AKAP12: variants seen among roughly 807,000 people sequenced by gnomAD.
The protein encoded by AKAP12 is A-kinase anchor protein 12.
In AKAP12, 32 loss-of-function variants were observed where a neutral mutation model predicts 79.9. That is an observed-to-expected ratio of 0.40 (90% CI 0.30 to 0.54). The LOEUF is 0.54. AKAP12 is among the 20% of genes least tolerant of loss of function. The pLI, the probability that AKAP12 is intolerant of heterozygous loss-of-function variation, is 0.48. For missense variants in AKAP12, 2,074 were observed against 2,177.0 expected (o/e 0.95, Z 0.94); for synonymous variants, 808 against 857.0 (o/e 0.94, Z 1.00).
intron 2 of AKAP12, among the ~76,000 whole-genome samples, chr6:151,286,848 G>A (rs1386712115): frequency 2.0e-5 from 3 of 152,212 alleles, no homozygotes; most frequent in Admixed American, 2.0e-4. Context: ...AACAAAACAA[G>A]TCAGGTGAGA....
At chr6:151,250,699 G>A (rs868432076) in intron 2 of AKAP12, among the ~76,000 whole-genome samples, 3,068 of 150,226 alleles carry the variant, frequency 0.02, 115 homozygotes, top group African/African-American at 0.07. Flanking sequence ...TCCGCCTCCC[G>A]GGTTCACGCC....
At chr6:151,305,174 T>G (rs372675034) in intron 2 of AKAP12, among the ~76,000 whole-genome samples, 1 of 151,724 alleles carries the variant, frequency 6.6e-6, no homozygotes, top group Admixed American at 6.6e-5. Context: ...GGGCTGTTTT[T>G]TTTTTTTTTT....
At chr6:151,296,269 A>G (rs2114742812) in intron 2 of AKAP12, among the ~76,000 whole-genome samples, 1 of 152,262 alleles carries the variant, frequency 6.6e-6, no homozygotes, top group South Asian at 2.1e-4. Flanking sequence ...TCTCAATTTC[A>G]TGTGGTTGGA....
rs557710082 is a variant in AKAP12 at position 151,313,715 on chromosome 6, C to G, written c.319+7812C>G. On this transcript the variant is annotated intron_variant, in intron 3 of 4. Coordinates refer to ENST00000402676, the MANE Select transcript of AKAP12 (RefSeq NM_005100.4). ...GAAGGACAGCAAGACTTCTGTTCAC[C>G]CTTTCTCCCCTTCGTAAATCAACTA... Among the ~76,000 whole-genome samples, 194 of 152,282 alleles carry G rather than the reference C, an allele frequency of 1.3e-3. 1 individual carries two copies. The highest frequency in any genetic ancestry group is 4.3e-3 in the African/African-American group (177 of 41,558).
Position 151,353,738 on chromosome 6 carries a change from T to TA in AKAP12, c.*2dup, listed in dbSNP as rs1168572771. The change falls in exon 4 of 5, where the codon TAA becomes TAAA. Residue 1783 remains the stop codon, a frameshift_variant and stop_retained_variant. Coordinates refer to ENST00000402676, the MANE Select transcript of AKAP12 (RefSeq NM_005100.4). LOFTEE classifies it low-confidence loss of function (END_TRUNC). ...ESAKSELTES[*] ...TGCAAAGTCAGAACTTACAGAATCT[T>TA]AAAACATCATGCAGGTAAGCTTCCT... 1.3e-6 allele frequency: 2 copies of TA among 1,569,340 alleles called. No individual in the cohort carries two copies. The highest frequency in any genetic ancestry group is 1.7e-6 in the Non-Finnish European group (2 of 1,159,566).
At chr6:151,286,675 A>G (rs1428471131) in intron 2 of AKAP12, among the ~76,000 whole-genome samples, 1 of 152,130 alleles carries the variant, frequency 6.6e-6, no homozygotes, top group Non-Finnish European at 1.5e-5. Context: ...TCCGTTATCT[A>G]TTATTATTTA....
rs142218794 is a variant in AKAP12, at chr6:151,352,908, C to T, written c.4517C>T (p.Thr1506Ile). 177 of 1,614,176 alleles carry T rather than the reference C, an allele frequency of 1.1e-4. No individual in the cohort carries two copies. The African/African-American group carries it at 1.5e-3, about 14-fold the overall frequency. The change falls in exon 4 of 5, where the codon ACA becomes ATA. Residue 1506 changes from threonine (T) to isoleucine (I), a missense_variant. Thr to Ile is a moderately conservative substitution (Grantham distance 89). Transcript: ENST00000402676. ...LSSDLEGEKT[T>I]SLKWKSDEVD... is the part of the protein sequence containing the mutation. The stretch of plus-strand genomic sequence containing the variant: ...TCCGACCTGGAAGGAGAGAAAACCA[C>T]ATCACTGAAGTGGAAGTCAGATGAA...
intron 2 of AKAP12, among the ~76,000 whole-genome samples, chr6:151,290,763 G>A (rs1328079441): frequency 6.6e-6 from 1 of 152,112 alleles, no homozygotes; most frequent in Non-Finnish European, 1.5e-5. Context: ...GCGCCACCAT[G>A]CCAGGCTAAT....
chr6:151,270,998 T>C (rs1776169076), intron 2 of AKAP12, among the ~76,000 whole-genome samples: 1 of 152,234 alleles, frequency 6.6e-6, no homozygotes, highest in Non-Finnish European at 1.5e-5. Flanking sequence ...ATAGAGTTAC[T>C]GCTTCTAGTT....
chr6:151,278,460 C>T (rs1776328838), intron 2 of AKAP12, among the ~76,000 whole-genome samples: 1 of 152,166 alleles, frequency 6.6e-6, no homozygotes, highest in Admixed American at 6.5e-5. Context: ...AGGTGATCCT[C>T]CCTCCTTGGC....
chr6:151,325,928 G>T (rs1305932605), intron 3 of AKAP12: 1 of 1,614,006 alleles, frequency 6.2e-7, no homozygotes, highest in Admixed American at 1.7e-5. Context: ...CTGGACGGCA[G>T]GCACGGGGCA....
intron 2 of AKAP12, among the ~76,000 whole-genome samples, chr6:151,270,501 A>G (rs373683280): frequency 5.3e-5 from 8 of 152,252 alleles, no homozygotes; most frequent in African/African-American, 1.9e-4. Flanking sequence ...ACACTAATGT[A>G]CAATTCTTTG....
chr6:151,310,916 A>G (rs935861051), intron 3 of AKAP12, among the ~76,000 whole-genome samples: 2 of 152,182 alleles, frequency 1.3e-5, no homozygotes, highest in Non-Finnish European at 2.9e-5. Context: ...CAACCTTCAC[A>G]GGTCACATTT....
Position 151,353,728 on chromosome 6 carries a change from T to C in AKAP12, c.5337T>C (p.Leu1779=), listed in dbSNP as rs1231671369. The C allele has an allele frequency of 2.6e-5, 41 of 1,585,458 alleles. No homozygotes were observed. The highest frequency in any genetic ancestry group is 3.5e-5 in the Non-Finnish European group (41 of 1,167,846). ...AGAGAGAATCTGCAAAGTCAGAACT[T>C]ACAGAATCTTAAAACATCATGCAGG... ...KQERESAKSE[L]TES is the part of the protein sequence containing the mutation. The change falls in exon 4 of 5, where the codon CTT becomes CTC. Residue 1779 remains leucine (L), a synonymous_variant. Coordinates refer to ENST00000402676, the MANE Select transcript of AKAP12 (RefSeq NM_005100.4).
intron 3 of AKAP12, among the ~76,000 whole-genome samples, chr6:151,332,271 C>G (rs894216700): frequency 1.3e-5 from 2 of 151,920 alleles, no homozygotes; most frequent in Non-Finnish European, 2.9e-5. Context: ...CTCCTGACCT[C>G]GTGATCCGCC....
intron 2 of AKAP12, among the ~76,000 whole-genome samples, chr6:151,292,842 A>G (rs1182640655): frequency 1.3e-5 from 2 of 152,076 alleles, no homozygotes; most frequent in Admixed American, 1.3e-4. Context: ...TTTTTATGAG[A>G]CCTTCTTCTG....
intron 2 of AKAP12, among the ~76,000 whole-genome samples, chr6:151,248,369 C>T (rs1445670811): frequency 2.6e-5 from 4 of 151,234 alleles, no homozygotes; most frequent in African/African-American, 9.7e-5. Context: ...TCCTGAGTAA[C>T]TGAGACTACC....
chr6:151,253,858 C>T (rs1797238866), intron 2 of AKAP12, among the ~76,000 whole-genome samples: 1 of 151,904 alleles, frequency 6.6e-6, no homozygotes, highest in Admixed American at 6.6e-5. Context: ...AGGTGTGAGC[C>T]ACCACACCTG....
In AKAP12 at chr6:151,259,470, GTA is replaced by G. The variant is rs549086594; in HGVS notation, c.162+18759_162+18760del. On this transcript the variant is annotated intron_variant, in intron 2 of 4. Transcript: ENST00000402676. ...TATATATATACACACATATATACAT[GTA>G]TATATATATATACACACACATATAC... 2.5e-3 allele frequency among the ~76,000 whole-genome samples: 234 copies of G among 93,262 alleles called. 1 individual carries two copies. The highest frequency in any genetic ancestry group is 3.9e-3 in the Non-Finnish European group (188 of 47,652). 61.2% of individuals were successfully genotyped at this position (93,262 alleles called of 152,430 possible).
Sources: allele counts gnomAD v4.1 joint callset (sites outside exome capture counted in the v4.1 genomes callset), GRCh38; gene constraint gnomAD v4.1.1; transcripts MANE v1.5; gene names NCBI Gene and HGNC (gene_info 2026-07-23, HGNC 2026-07-21).